TLE6: variants seen among roughly 807,000 people sequenced by gnomAD.
TLE6 encodes the protein TLE family member 6, subcortical maternal complex member, also known as transducin-like enhancer protein 6.
TLE6 carries 72 observed loss-of-function variants against 77.1 expected under a neutral mutation model. The ratio of observed to expected loss-of-function variants is 0.93; its 90% CI spans 0.77 to 1.14. The LOEUF (loss-of-function observed/expected upper bound fraction) is 1.14, where lower values mean the gene tolerates loss of function less well. Among genes scored for constraint, TLE6 ranks in the 50% most tolerant of loss-of-function variants. The pLI is 0.00. For synonymous variants in TLE6, 366 were observed against 287.3 expected (o/e 1.27, Z -2.77); for missense variants, 843 against 747.6 (o/e 1.13, Z -1.49).
At chr19:2,990,738 C>T (rs1276525183) in intron 13 of TLE6, among the ~76,000 whole-genome samples, 1 of 150,410 alleles carries the variant, frequency 6.6e-6, no homozygotes, top group Non-Finnish European at 1.5e-5. Context: ...CGGTGTCTCA[C>T]ACCTGTAATC....
chr19:2,993,666 A>G, intron 15 of TLE6, 84 bp downstream of exon 15: 1 of 1,474,884 alleles, frequency 6.8e-7, no homozygotes. Context: ...CTCCCCACCC[A>G]ACCCTCTAGG....
intron 8 of TLE6, 159 bp from the exon 9 acceptor site, chr19:2,987,565 C>T: frequency 9.1e-7 from 1 of 1,099,334 alleles, no homozygotes; most frequent in Non-Finnish European, 1.3e-6. Context: ...CCAGGGCTTC[C>T]AGGACCCTAT....
chr19:2,981,388 T>G, intron 3 of TLE6, 150 bp from the exon 4 acceptor site: 1 of 690,224 alleles, frequency 1.4e-6, no homozygotes, highest in Non-Finnish European at 2.5e-6. Context: ...AAAATCTTAC[T>G]GAACTTCTTG....
In TLE6 at chr19:2,980,092, C is replaced by G. The variant is rs1318929180; in HGVS notation, c.52-8C>G. 11 of 1,549,030 alleles carry G rather than the reference C, an allele frequency of 7.1e-6. No individual in the cohort carries two copies. Among genetic ancestry groups the G allele is most frequent in the Non-Finnish European group, 9.6e-6 (11 of 1,145,328 alleles). On this transcript the variant is annotated splice_polypyrimidine_tract_variant and splice_region_variant and intron_variant, in intron 2 of 16. Transcript: ENST00000246112. ...AAGTTTTATGTAACCTTGCTTTGAC[C>G]TTTCCAGCCTTGTCCTGGGATCTCG...
chr19:2,987,204 CGTCCACGATGAG>C lies in TLE6; in HGVS notation c.508_519del (p.Val170_Glu173del), dbSNP rs755680570. The C allele has an allele frequency of 6.8e-6, 11 of 1,614,088 alleles. No individual in the cohort carries two copies. In the African/African-American group the frequency reaches 1.2e-4, roughly 18 times the overall value. ...AGCAACTCTGGCGGATTTTTGCCGG[CGTCCACGATGAG>C]AAGGCAAAGCCCAGAGACAGACGTG... On this transcript the variant is annotated inframe_deletion, in exon 7 of 17. Coordinates refer to ENST00000246112, the MANE Select transcript of TLE6 (RefSeq NM_001143986.2).
rs536230712 is a variant in TLE6 at position 2,990,651 on chromosome 19, A to G, written c.1244+866A>G. Among the ~76,000 whole-genome samples, 15 of 69,564 alleles carry G rather than the reference A, an allele frequency of 2.2e-4. 2 individuals carry two copies. In the South Asian group the frequency reaches 4.5e-3, roughly 21 times the overall value. 45.6% of individuals were successfully genotyped at this position (69,564 alleles called of 152,430 possible). A position where few individuals can be genotyped will look rare whatever the true frequency, so the allele number is the denominator to read the frequency against. On this transcript the variant is annotated intron_variant, in intron 13 of 16. Transcript: ENST00000246112. ...CACATATATAAATAAATATATATAT[A>G]AATACATAAATATATACATAAATAT...
At position 2,991,722 on chromosome 19, in the gene TLE6, A is replaced by G. The variant is rs997686102; in HGVS notation, c.1245-121A>G. The G allele has an allele frequency of 4.4e-6, 4 of 911,510 alleles. No individual in the cohort carries two copies. In the African/African-American group the frequency reaches 6.6e-5, roughly 15 times the overall value. 56.5% of individuals were successfully genotyped at this position (911,510 alleles called of 1,614,324 possible). On this transcript the variant is annotated intron_variant, in intron 13 of 16. Coordinates refer to ENST00000246112, the MANE Select transcript of TLE6 (RefSeq NM_001143986.2). ...TTCTGCCAACTTTGACACTCTGTGC[A>G]GGCAGAGATTTTTGGGTGGTGGCAC...
At chr19:2,993,825 G>T (rs941909902) in intron 15 of TLE6, among the ~76,000 whole-genome samples, 194 bp from the exon 16 acceptor site, 6 of 151,046 alleles carry the variant, frequency 4.0e-5, no homozygotes, top group Non-Finnish European at 7.4e-5. Flanking sequence ...TCAGCCACTG[G>T]TGTCCCCATG....
intron 5 of TLE6, chr19:2,984,231 A>T (rs2088858840): frequency 6.6e-6 from 1 of 152,192 alleles, no homozygotes; most frequent in African/African-American, 2.4e-5. Context: ...TAAATTGCGC[A>T]TTAACGAGGC....
chr19:2,992,452 A>G (rs1568219335), intron 14 of TLE6, among the ~76,000 whole-genome samples: 1 of 151,880 alleles, frequency 6.6e-6, no homozygotes, highest in Non-Finnish European at 1.5e-5. Flanking sequence ...AGGCTGCGCA[A>G]TAAGAGCGAA....
Position 2,995,046 on chromosome 19 carries a change from T to TCC in TLE6, c.*49_*50dup. 2.0e-6 allele frequency: 2 copies of TCC among 995,968 alleles called. No homozygotes were observed. Among genetic ancestry groups the TCC allele is most frequent in the Non-Finnish European group, 2.9e-6 (2 of 694,016 alleles). 61.7% of individuals were successfully genotyped at this position (995,968 alleles called of 1,614,324 possible). On this transcript the variant is annotated 3_prime_UTR_variant, in exon 17 of 17. Transcript: ENST00000246112. ...CATCCCACTCCGGCTCCTCTTTTCA[T>TCC]CCCCCCCCTTCCCCCCCCCCAACAA...
chr19:2,979,725 G>T (rs1010824768), intron 2 of TLE6, among the ~76,000 whole-genome samples: 5 of 150,838 alleles, frequency 3.3e-5, no homozygotes, highest in Admixed American at 3.3e-4. Context: ...TAGATCATGA[G>T]GTCAGGAGGT....
At chr19:2,980,406 G>T in intron 3 of TLE6, 1 of 385,632 alleles carries the variant, frequency 2.6e-6, no homozygotes, top group East Asian at 5.1e-5. Context: ...TTTCCTGTTC[G>T]ACATGGATTT....
At chr19:2,983,625 A>AG (rs981013605) in intron 5 of TLE6, among the ~76,000 whole-genome samples, 3 of 76,690 alleles carry the variant, frequency 3.9e-5, no homozygotes, top group South Asian at 2.9e-4. Flanking sequence ...TGAGAGGAGG[A>AG]GGGGGGGAGG....
Position 2,987,072 on chromosome 19 carries a change from C to T in TLE6, c.375C>T (p.Ala125=). 2 of 1,614,188 alleles carry T rather than the reference C, an allele frequency of 1.2e-6. No homozygotes were observed. The highest frequency in any genetic ancestry group is 2.2e-5 in the South Asian group (2 of 91,084). Residue 125 remains alanine, a synonymous_variant, in exon 7 of 17, where the codon GCC becomes GCT. Coordinates refer to ENST00000246112, the MANE Select transcript of TLE6 (RefSeq NM_001143986.2). The part of the protein sequence containing the change: ...LQESSFEDIM[A]TRSSDWLRRP... ...AGTCGAGCTTTGAGGACATCATGGC[C>T]ACCAGGTCCTCCGACTGGCTCCGGC...
At chr19:2,994,123 CGGGGGT>C in intron 16 of TLE6, 28 bp downstream of exon 16, 2 of 1,578,852 alleles carry the variant, frequency 1.3e-6, no homozygotes, top group Non-Finnish European at 1.7e-6. Flanking sequence ...GGGCAGGACC[CGGGGGT>C]GGCCCCAAAG....
intron 5 of TLE6, chr19:2,983,810 C>T (rs1225893133): frequency 1.3e-5 from 2 of 152,508 alleles, no homozygotes; most frequent in South Asian, 2.1e-4. Flanking sequence ...TTAGGACAGT[C>T]CAGGTGTGGA....
rs369766984 is a variant in TLE6 at position 2,991,376 on chromosome 19, G to GTATA, written c.1245-450_1245-447dup. On this transcript the variant is annotated intron_variant, in intron 13 of 16. Coordinates refer to ENST00000246112, the MANE Select transcript of TLE6 (RefSeq NM_001143986.2). ...TCCATTTCAAAAAAAAAAAAAATAC[G>GTATA]TATATATATATATATATATACACAC... is the stretch of plus-strand genomic sequence containing the variant. 8.5e-3 allele frequency among the ~76,000 whole-genome samples: 894 copies of GTATA among 105,398 alleles called. 4 individuals carry two copies. Among genetic ancestry groups the GTATA allele is most frequent in the East Asian group, 0.016 (53 of 3,290 alleles). The allele number at this position is 105,398 out of a possible 152,430, so 69.1% of individuals were successfully genotyped here.
intron 6 of TLE6, 37 bp downstream of exon 6, chr19:2,986,928 G>A (rs917118589): frequency 6.4e-7 from 1 of 1,553,788 alleles, no homozygotes; most frequent in Non-Finnish European, 8.7e-7. Context: ...GAGGGGACAG[G>A]CTTGGGTGAA....
Sources: allele counts gnomAD v4.1 joint callset (sites outside exome capture counted in the v4.1 genomes callset), GRCh38; gene constraint gnomAD v4.1.1; transcripts MANE v1.5; gene names NCBI Gene and HGNC (gene_info 2026-07-23, HGNC 2026-07-21).